The following IQCJ variants were observed in gnomAD, a reference collection of about 807,000 sequenced individuals.
IQCJ encodes IQ motif containing J, also known as IQ domain-containing protein J.
In IQCJ, 9 loss-of-function variants were observed where a neutral mutation model predicts 11.0. That is an observed-to-expected ratio of 0.82 (90% CI 0.49 to 1.43). The LOEUF is 1.43. Ranked by LOEUF, IQCJ falls within the 40% of genes most tolerant of loss-of-function variation. The pLI is 0.00. For missense variants in IQCJ, 146 were observed against 133.2 expected (o/e 1.10, Z -0.47); for synonymous variants, 55 against 51.3 (o/e 1.07, Z -0.31).
intron 1 of IQCJ, among the ~76,000 whole-genome samples, chr3:159,077,974 G>A (rs567495323): frequency 6.6e-6 from 1 of 152,078 alleles, no homozygotes; most frequent in African/African-American, 2.4e-5. Flanking sequence ...AACAGGACGT[G>A]TATCAACTCA....
chr3:159,151,147 G>A (rs1721191895), intron 1 of IQCJ, among the ~76,000 whole-genome samples: 1 of 152,190 alleles, frequency 6.6e-6, no homozygotes. Context: ...TCTTTGGAAG[G>A]AGCAGAACAT....
intron 1 of IQCJ, among the ~76,000 whole-genome samples, chr3:159,137,426 T>C (rs1463378912): frequency 6.6e-6 from 1 of 152,204 alleles, no homozygotes; most frequent in Non-Finnish European, 1.5e-5. Context: ...TGATTTGACC[T>C]TTATACTTCA....
chr3:159,177,267 G>T (rs1327902727), intron 1 of IQCJ, among the ~76,000 whole-genome samples: 1 of 152,110 alleles, frequency 6.6e-6, no homozygotes, highest in African/African-American at 2.4e-5. Flanking sequence ...AACTGGGTGT[G>T]CCCTCTTCTT....
rs76154089 is a variant in IQCJ, at chr3:159,249,979, G to A, written c.75-2748G>A. On this transcript the variant is annotated intron_variant, in intron 2 of 3. Coordinates refer to ENST00000397832, the MANE Select transcript of IQCJ (RefSeq NM_001042706.3). Reference sequence around the variant, plus strand: ...ATAAACAGAGAAGAGCAATTGGTAAGGCCATTAATTGGAAGGCTACTTATG... The same window carrying A: ...ATAAACAGAGAAGAGCAATTGGTAAAGCCATTAATTGGAAGGCTACTTATG... Among the ~76,000 whole-genome samples the A allele has an allele frequency of 6.2e-3, 947 of 152,224 alleles. 9 individuals carry two copies. Among genetic ancestry groups the A allele is most frequent in the African/African-American group, 0.022 (922 of 41,528 alleles).
At chr3:159,128,318 T>C (rs1054931107) in intron 1 of IQCJ, among the ~76,000 whole-genome samples, 2 of 152,196 alleles carry the variant, frequency 1.3e-5, no homozygotes, top group East Asian at 3.9e-4. Flanking sequence ...TGTCTATATA[T>C]GAGCCAGAGG....
chr3:159,110,745 G>A (rs1426396579), intron 1 of IQCJ, among the ~76,000 whole-genome samples: 3 of 152,172 alleles, frequency 2.0e-5, no homozygotes, highest in African/African-American at 7.2e-5. Flanking sequence ...ACAGACACAA[G>A]CTGTTCTGCA....
chr3:159,223,522 T>C (rs565349893), intron 1 of IQCJ, among the ~76,000 whole-genome samples: 2 of 152,204 alleles, frequency 1.3e-5, no homozygotes, highest in African/African-American at 4.8e-5. Context: ...CCTTGAGAAC[T>C]AAGACTCTGG....
At chr3:159,093,840 T>G (rs945577926) in intron 1 of IQCJ, among the ~76,000 whole-genome samples, 2 of 151,818 alleles carry the variant, frequency 1.3e-5, no homozygotes, top group South Asian at 4.1e-4. Context: ...TCAGATCTCC[T>G]GAGAACTTGC....
intron 1 of IQCJ, among the ~76,000 whole-genome samples, chr3:159,077,680 A>C (rs555462901): frequency 2.0e-5 from 3 of 152,162 alleles, no homozygotes; most frequent in Non-Finnish European, 4.4e-5. Flanking sequence ...AAAATTCTCA[A>C]AGCATGTATG....
At chr3:159,225,913 G>C (rs1369260339) in intron 1 of IQCJ, among the ~76,000 whole-genome samples, 3 of 152,160 alleles carry the variant, frequency 2.0e-5, no homozygotes, top group African/African-American at 4.8e-5. Context: ...TCTCATGTTT[G>C]ATATTTGCTG....
At chr3:159,077,361 C>T (rs1457351474) in intron 1 of IQCJ, among the ~76,000 whole-genome samples, 1 of 152,080 alleles carries the variant, frequency 6.6e-6, no homozygotes, top group Non-Finnish European at 1.5e-5. Context: ...AAGAATTTTT[C>T]TACAGGTGAG....
At chr3:159,247,427 T>C (rs1213455928) in intron 2 of IQCJ, among the ~76,000 whole-genome samples, 2 of 152,288 alleles carry the variant, frequency 1.3e-5, no homozygotes, top group Middle Eastern at 3.4e-3. Context: ...CATGGGATCC[T>C]TCAGAAATGA....
intron 3 of IQCJ, among the ~76,000 whole-genome samples, chr3:159,261,310 T>A (rs146683668): frequency 6.6e-6 from 1 of 152,292 alleles, no homozygotes; most frequent in African/African-American, 2.4e-5. Context: ...AACTGTTAAC[T>A]CCCAGAAGAG....
intron 1 of IQCJ, among the ~76,000 whole-genome samples, chr3:159,184,173 C>G (rs1375190495): frequency 1.3e-5 from 2 of 152,014 alleles, no homozygotes; most frequent in African/African-American, 4.8e-5. Flanking sequence ...ATCATTCTCC[C>G]CCTAACTTAC....
At position 159,262,570 on chromosome 3, in the gene IQCJ, T is replaced by A; in HGVS notation, c.178T>A (p.Tyr60Asn). The A allele has an allele frequency of 6.2e-7, 1 of 1,613,784 alleles. No homozygotes were observed. ...CAGCATTCAGCGAGCATGGCGAGAG[T>A]ACCTGCAGCGGCAGGAGCCCCTGGG... ...VKIIQRAWREYLQRQEPLGKR... is the reference protein window; with the variant it reads ...VKIIQRAWRENLQRQEPLGKR... The change falls in exon 4 of 4, where the codon TAC (tyrosine) becomes AAC (asparagine). Residue 60 changes from tyrosine to asparagine, a missense_variant. Tyr to Asn is a moderately radical substitution (Grantham distance 143, BLOSUM62 -2). Transcript: ENST00000397832.
At chr3:159,175,163 C>T (rs542256947) in intron 1 of IQCJ, among the ~76,000 whole-genome samples, 1 of 152,086 alleles carries the variant, frequency 6.6e-6, no homozygotes, top group African/African-American at 2.4e-5. Flanking sequence ...AGTCATGTAA[C>T]CACCACCACA....
intron 1 of IQCJ, among the ~76,000 whole-genome samples, chr3:159,179,535 A>C (rs964395644): frequency 6.6e-6 from 1 of 152,176 alleles, no homozygotes; most frequent in Non-Finnish European, 1.5e-5. Flanking sequence ...AGGCTCTCAA[A>C]AGTGTGAATC....
intron 1 of IQCJ, among the ~76,000 whole-genome samples, chr3:159,125,281 C>G (rs1719615758): frequency 6.6e-6 from 1 of 152,150 alleles, no homozygotes; most frequent in Non-Finnish European, 1.5e-5. Flanking sequence ...CAGCACTTCT[C>G]AAAACTAACA....
At chr3:159,231,327 T>C (rs1213175230) in intron 1 of IQCJ, among the ~76,000 whole-genome samples, 1 of 152,188 alleles carries the variant, frequency 6.6e-6, no homozygotes, top group African/African-American at 2.4e-5. Context: ...TCTTTATATA[T>C]GTGTTCAGTG....
Sources: gnomAD v4.1 joint callset for allele counts (sites outside exome capture counted in the v4.1 genomes callset) on GRCh38, gnomAD v4.1.1 for gene constraint, MANE v1.5 for transcripts, NCBI Gene and HGNC (gene_info 2026-07-23, HGNC 2026-07-21) for gene names.